MAPK10: variants seen among roughly 807,000 people sequenced by gnomAD.
The protein encoded by MAPK10 is mitogen-activated protein kinase 10.
In MAPK10, 25 loss-of-function variants were observed where a neutral mutation model predicts 59.3. The ratio of observed to expected loss-of-function variants is 0.42; its 90% CI spans 0.31 to 0.59. MAPK10 has a LOEUF of 0.59. Among genes scored for constraint, MAPK10 ranks in the 20% least tolerant of loss-of-function variants. The pLI, the probability that MAPK10 is intolerant of heterozygous loss-of-function variation, is 0.15. For synonymous variants in MAPK10, 190 were observed against 200.5 expected, an observed-to-expected ratio of 0.95 and a Z score of 0.44; for missense variants, 351 against 568.9, an observed-to-expected ratio of 0.62 and a Z score of 3.90.
chr4:86,217,512 C>G (rs548827274), intron 2 of MAPK10, among the ~76,000 whole-genome samples: 1 of 152,140 alleles, frequency 6.6e-6, no homozygotes, highest in South Asian at 2.1e-4. Context: ...GTCATTATAC[C>G]TATTAACTGG....
intron 3 of MAPK10, among the ~76,000 whole-genome samples, chr4:86,162,675 C>T (rs1386888509): frequency 6.6e-6 from 1 of 152,016 alleles, no homozygotes; most frequent in African/African-American, 2.4e-5. Context: ...ACAACTTTCA[C>T]AGTAGCAACT....
At chr4:86,336,784 CTTTTTTTT>C (rs70948788) in intron 2 of MAPK10, among the ~76,000 whole-genome samples, 1 of 83,064 alleles carries the variant, frequency 1.2e-5, no homozygotes, top group African/African-American at 4.9e-5. Flanking sequence ...GGAATGACTC[CTTTTTTTT>C]TTTTTTTTTT....
intron 11 of MAPK10, among the ~76,000 whole-genome samples, chr4:86,048,811 G>A (rs953044617): frequency 6.6e-6 from 1 of 152,064 alleles, no homozygotes; most frequent in Non-Finnish European, 1.5e-5. Context: ...AGGTTGAAAT[G>A]TAATAATTTT....
chr4:86,387,229 T>G (rs1192962199), intron 1 of MAPK10, among the ~76,000 whole-genome samples: 1 of 152,000 alleles, frequency 6.6e-6, no homozygotes, highest in Admixed American at 6.6e-5. Flanking sequence ...GCAATGATGA[T>G]TGTCTCAGAT....
intron 1 of MAPK10, among the ~76,000 whole-genome samples, chr4:86,493,344 C>G (rs1213616936): frequency 6.6e-6 from 1 of 152,172 alleles, no homozygotes; most frequent in Non-Finnish European, 1.5e-5. Context: ...ATTATTTGTT[C>G]AGTCGATCTT....
chr4:86,543,810 T>C (rs987978454), intron 1 of MAPK10, among the ~76,000 whole-genome samples: 2 of 151,930 alleles, frequency 1.3e-5, no homozygotes, highest in East Asian at 3.9e-4. Flanking sequence ...TCTGAAGAGA[T>C]ACAATGAGTT....
chr4:86,554,611 T>C (rs916260236), intron 1 of MAPK10, among the ~76,000 whole-genome samples: 1 of 152,196 alleles, frequency 6.6e-6, no homozygotes, highest in African/African-American at 2.4e-5. Flanking sequence ...CAGCCACTAA[T>C]TCAATTCAGG....
At chr4:86,227,388 G>T (rs1386979039) in intron 2 of MAPK10, among the ~76,000 whole-genome samples, 1 of 151,632 alleles carries the variant, frequency 6.6e-6, no homozygotes, top group Non-Finnish European at 1.5e-5. Context: ...TCGGGAGGCT[G>T]AGGCAGGAGA....
intron 2 of MAPK10, among the ~76,000 whole-genome samples, chr4:86,329,450 T>C (rs1348260909): frequency 6.6e-6 from 1 of 152,182 alleles, no homozygotes; most frequent in Non-Finnish European, 1.5e-5. Flanking sequence ...AATTGTGCAG[T>C]TATATTACAA....
chr4:86,552,825 C>A (rs895592313), intron 1 of MAPK10, among the ~76,000 whole-genome samples: 2 of 152,016 alleles, frequency 1.3e-5, no homozygotes, highest in East Asian at 3.9e-4. Flanking sequence ...TGCAGCTCCC[C>A]GATAATTTAT....
intron 1 of MAPK10, among the ~76,000 whole-genome samples, chr4:86,484,446 T>C (rs908366991): frequency 3.3e-5 from 5 of 152,170 alleles, no homozygotes; most frequent in South Asian, 2.1e-4. Context: ...GTTGTGTGGT[T>C]AACAGCAGGT....
chr4:86,117,315 T>G (rs1439145201), intron 4 of MAPK10, among the ~76,000 whole-genome samples: 1 of 152,198 alleles, frequency 6.6e-6, no homozygotes, highest in Non-Finnish European at 1.5e-5. Flanking sequence ...GGCTTACCAC[T>G]TTAATAAACT....
At chr4:86,202,474 G>C (rs1347611719) in intron 2 of MAPK10, among the ~76,000 whole-genome samples, 1 of 151,890 alleles carries the variant, frequency 6.6e-6, no homozygotes, top group Non-Finnish European at 1.5e-5. Context: ...TATAGATAAT[G>C]TTGAGAAAAT....
intron 1 of MAPK10, among the ~76,000 whole-genome samples, chr4:86,442,202 G>A (rs1749496655): frequency 6.6e-6 from 1 of 152,138 alleles, no homozygotes; most frequent in Admixed American, 6.5e-5. Flanking sequence ...GTTGAATATG[G>A]TAGAACTTGT....
chr4:86,032,016 GC>G (rs2039146081), intron 11 of MAPK10: 1 of 152,116 alleles, frequency 6.6e-6, no homozygotes, highest in Non-Finnish European at 1.5e-5. Flanking sequence ...ACGATTTTAA[GC>G]TTTTTGGTTT....
chr4:86,522,527 G>A (rs527331771), intron 1 of MAPK10, among the ~76,000 whole-genome samples: 9 of 151,864 alleles, frequency 5.9e-5, no homozygotes, highest in African/African-American at 9.7e-5. Flanking sequence ...ATTCTATCCC[G>A]CTTCATAACC....
chr4:86,564,974 G>T (rs947229151), intron 1 of MAPK10, among the ~76,000 whole-genome samples: 1 of 152,124 alleles, frequency 6.6e-6, no homozygotes, highest in African/African-American at 2.4e-5. Flanking sequence ...AACTTATCTA[G>T]ACTAGCAGGA....
At chr4:86,043,241 A>C (rs2041911826) in intron 11 of MAPK10, among the ~76,000 whole-genome samples, 1 of 152,170 alleles carries the variant, frequency 6.6e-6, no homozygotes, top group Non-Finnish European at 1.5e-5. Flanking sequence ...TCTGAGATGC[A>C]CAATTCTAAG....
intron 3 of MAPK10, among the ~76,000 whole-genome samples, chr4:86,183,576 T>C (rs2077429442): frequency 6.6e-6 from 1 of 152,086 alleles, no homozygotes; most frequent in African/African-American, 2.4e-5. Flanking sequence ...TCTTTGCTAT[T>C]GTGAATAGTG....
Sources: allele counts gnomAD v4.1 joint callset (sites outside exome capture counted in the v4.1 genomes callset), GRCh38; gene constraint gnomAD v4.1.1; transcripts MANE v1.5; gene names NCBI Gene and HGNC (gene_info 2026-07-23, HGNC 2026-07-21).